MYOM2: variants seen among roughly 807,000 people sequenced by gnomAD.
MYOM2 encodes myomesin-2.
A neutral mutation model predicts 187.6 loss-of-function variants in MYOM2; 254 were observed. The observed-to-expected ratio is 1.35, with a 90% CI of 1.22 to 1.50. MYOM2 has a LOEUF of 1.50. MYOM2 is among the 40% of genes most tolerant of loss of function. The pLI, the probability that MYOM2 is intolerant of heterozygous loss-of-function variation, is 0.00. For synonymous variants in MYOM2, 981 were observed against 753.8 expected, an observed-to-expected ratio of 1.30 and a Z score of -4.94; for missense variants, 2,796 against 1,924.0, an observed-to-expected ratio of 1.45 and a Z score of -8.48.
intron 32 of MYOM2, among the ~76,000 whole-genome samples, chr8:2,134,179 A>G (rs547469224): frequency 2.5e-4 from 38 of 152,146 alleles, no homozygotes; most frequent in African/African-American, 9.2e-4. Context: ...CCTGTGTTGA[A>G]TCTCAGGTCC....
At chr8:2,077,082 C>T (rs938234372) in intron 11 of MYOM2, among the ~76,000 whole-genome samples, 6 of 152,180 alleles carry the variant, frequency 3.9e-5, no homozygotes, top group South Asian at 2.1e-4. Context: ...GAGGCCAACG[C>T]GGGCGGATTA....
intron 9 of MYOM2, among the ~76,000 whole-genome samples, chr8:2,072,874 G>T (rs980930417): frequency 1.3e-5 from 2 of 152,236 alleles, no homozygotes; most frequent in African/African-American, 4.8e-5. Context: ...GTCGTATTGA[G>T]ATTCTTTTCT....
intron 14 of MYOM2, among the ~76,000 whole-genome samples, chr8:2,086,600 G>A (rs557811058): frequency 5.3e-5 from 8 of 152,316 alleles, no homozygotes; most frequent in Admixed American, 1.3e-4. Flanking sequence ...CGTTGCTGGG[G>A]AAAATGAGGT....
intron 32 of MYOM2, among the ~76,000 whole-genome samples, chr8:2,131,151 T>A (rs192064181): frequency 2.0e-5 from 3 of 152,350 alleles, no homozygotes; most frequent in Non-Finnish European, 4.4e-5. Flanking sequence ...GCCCTGTGGA[T>A]GTGTGTGACC....
chr8:2,076,002 T>C, intron 10 of MYOM2, 139 bp from the exon 11 acceptor site: 1 of 721,840 alleles, frequency 1.4e-6, no homozygotes, highest in Non-Finnish European at 2.1e-6. Context: ...TAAGAAATAT[T>C]CTAGTACTTT....
At chr8:2,131,904 A>G (rs1457334035) in intron 32 of MYOM2, among the ~76,000 whole-genome samples, 1 of 152,052 alleles carries the variant, frequency 6.6e-6, no homozygotes. Flanking sequence ...GGGCCTCCCA[A>G]AATGCTGGGA....
chr8:2,083,552 G>T (rs148428875), intron 13 of MYOM2, among the ~76,000 whole-genome samples: 1 of 152,102 alleles, frequency 6.6e-6, no homozygotes, highest in African/African-American at 2.4e-5. Context: ...TGTGCTTAGC[G>T]GTGTCTCTCG....
intron 32 of MYOM2, among the ~76,000 whole-genome samples, chr8:2,135,368 T>A (rs1317012303): frequency 6.6e-6 from 1 of 152,222 alleles, no homozygotes; most frequent in Non-Finnish European, 1.5e-5. Flanking sequence ...TATGTTCATT[T>A]GTTACTGTTC....
Position 2,109,461 on chromosome 8 carries a change from A to C in MYOM2, c.3110A>C (p.Gln1037Pro). The C allele has an allele frequency of 1.2e-6, 2 of 1,613,508 alleles. No homozygotes were observed. The highest frequency in any genetic ancestry group is 1.7e-6 in the Non-Finnish European group (2 of 1,179,734). The change falls in exon 25 of 37, where the codon CAG becomes CCG. Residue 1037 changes from glutamine to proline, a missense_variant. Gln to Pro is a moderately conservative substitution (Grantham distance 76). Coordinates refer to ENST00000262113, the MANE Select transcript of MYOM2 (RefSeq NM_003970.4). Reference protein sequence around the residue: ...FDKGRVRFWLQAEHLSPDASY... With the variant: ...FDKGRVRFWLPAEHLSPDASY... ...AAGGGGCGGGTTCGCTTCTGGCTCC[A>C]GGCTGAGCACTTATCACCAGATGCC...
chr8:2,125,973 T>C (rs1450114141), intron 31 of MYOM2, among the ~76,000 whole-genome samples: 1 of 152,134 alleles, frequency 6.6e-6, no homozygotes, highest in Non-Finnish European at 1.5e-5. Flanking sequence ...AAGAATTGCA[T>C]TCAATCTTTA....
intron 11 of MYOM2, among the ~76,000 whole-genome samples, chr8:2,077,785 A>G (rs919856545): frequency 3.9e-5 from 6 of 152,222 alleles, no homozygotes; most frequent in African/African-American, 1.4e-4. Flanking sequence ...CACTTTGGGA[A>G]TGAGGGTGCA....
chr8:2,090,179 C>G lies in MYOM2; in HGVS notation c.1816C>G (p.Gln606Glu), dbSNP rs201665522. The change falls in exon 15 of 37, where the codon CAG (glutamine) becomes GAG (glutamate). Residue 606 changes from glutamine to glutamate, a missense_variant. Physicochemically the swap from Gln to Glu is conservative, Grantham distance 29 (BLOSUM62 2). Coordinates refer to ENST00000262113, the MANE Select transcript of MYOM2 (RefSeq NM_003970.4). The part of the protein sequence containing the change: ...PSEITSPIQA[Q>E]DVTVVPSAPG... ...GGAGATAACGTCCCCCATTCAGGCC[C>G]AGGATGTGACCGGTGAGCTGTCACA... 137 of 1,613,244 alleles carry G rather than the reference C, an allele frequency of 8.5e-5. No homozygotes were observed. The East Asian group carries it at 3.0e-3, about 35-fold the overall frequency.
chr8:2,064,504 AGAGCGCTCTCTTCGG>A (rs1818951114), intron 6 of MYOM2, among the ~76,000 whole-genome samples: 1 of 56,910 alleles, frequency 1.8e-5, no homozygotes, highest in Non-Finnish European at 4.0e-5. Flanking sequence ...AGAAGGAAGG[AGAGCGCTCTCTTCGG>A]AGAGCCCACG....
Position 2,090,561 on chromosome 8 carries a change from C to T in MYOM2, c.1828+370C>T, listed in dbSNP as rs558657610. Among the ~76,000 whole-genome samples, 4 of 152,256 alleles carry T rather than the reference C, an allele frequency of 2.6e-5. No individual in the cohort carries two copies. In the South Asian group the frequency reaches 8.3e-4, roughly 32 times the overall value. On this transcript the variant is annotated intron_variant, in intron 15 of 36. Transcript: ENST00000262113. ...TGGGGGTTTGTTGTAAAGATTATTT[C>T]GTCACCCAGGTACCAAGCCTAGTAG...
intron 3 of MYOM2, among the ~76,000 whole-genome samples, chr8:2,052,857 T>G (rs1818538930): frequency 1.3e-5 from 2 of 151,934 alleles, no homozygotes; most frequent in Admixed American, 1.3e-4. Flanking sequence ...AACTAAAGAG[T>G]TGGGAAGGGA....
At chr8:2,070,653 A>G (rs541748735) in intron 8 of MYOM2, among the ~76,000 whole-genome samples, 5 of 152,184 alleles carry the variant, frequency 3.3e-5, no homozygotes, top group Non-Finnish European at 7.3e-5. Context: ...CTTCCTCATT[A>G]AGAACTGTGG....
At chr8:2,083,411 T>TAG (rs1819699149) in intron 13 of MYOM2, among the ~76,000 whole-genome samples, 1 of 151,658 alleles carries the variant, frequency 6.6e-6, no homozygotes, top group African/African-American at 2.4e-5. Flanking sequence ...TAGTGGCATC[T>TAG]CACGTGTGCT....
At chr8:2,130,899 C>G (rs1036574070) in intron 32 of MYOM2, among the ~76,000 whole-genome samples, 2 of 152,212 alleles carry the variant, frequency 1.3e-5, no homozygotes, top group Non-Finnish European at 2.9e-5. Flanking sequence ...AAACCTTCCC[C>G]TGGAAAAGGA....
rs757537628 is a variant in MYOM2 at position 2,106,349 on chromosome 8, G to A, written c.2842G>A (p.Glu948Lys). The A allele has an allele frequency of 3.8e-5, 62 of 1,614,024 alleles. No homozygotes were observed. Among genetic ancestry groups the A allele is most frequent in the South Asian group, 6.6e-5 (6 of 91,064 alleles). ...TCAGTTCACCTGGTGTAAATCCTAC[G>A]AGGAGATTTCAGATGATGAGAGGTT... Reference protein sequence around the residue: ...ASQFTWCKSYEEISDDERFKI... With the variant: ...ASQFTWCKSYKEISDDERFKI... The change falls in exon 22 of 37, where the codon GAG becomes AAG. Residue 948 changes from glutamate (E) to lysine (K), a missense_variant. Glu to Lys is a moderately conservative substitution (Grantham distance 56). Transcript: ENST00000262113.
Sources: gnomAD v4.1 joint callset for allele counts (sites outside exome capture counted in the v4.1 genomes callset) on GRCh38, gnomAD v4.1.1 for gene constraint, MANE v1.5 for transcripts, NCBI Gene and HGNC (gene_info 2026-07-23, HGNC 2026-07-21) for gene names.